The following SLAMF6 variants were observed in gnomAD, a reference collection of about 807,000 sequenced individuals.
The protein encoded by SLAMF6 is SLAM family member 6.
SLAMF6 carries 21 observed loss-of-function variants against 38.3 expected under a neutral mutation model. The observed-to-expected ratio is 0.55, with a 90% confidence interval of 0.39 to 0.79. The LOEUF (loss-of-function observed/expected upper bound fraction) is 0.79. Among genes scored for constraint, SLAMF6 ranks in the 30% least tolerant of loss-of-function variants. SLAMF6 has a pLI of 0.00. For synonymous variants in SLAMF6, 152 were observed against 146.3 expected, an observed-to-expected ratio of 1.04 and a Z score of -0.28; for missense variants, 341 against 385.3, an observed-to-expected ratio of 0.89 and a Z score of 0.96.
intron 1 of SLAMF6, among the ~76,000 whole-genome samples, chr1:160,515,690 G>C (rs1369900797): frequency 5.3e-5 from 8 of 152,164 alleles, no homozygotes; most frequent in African/African-American, 1.7e-4. Flanking sequence ...GGGATGCAAG[G>C]CTGGTTCAAC....
chr1:160,490,849 G>A lies in SLAMF6; in HGVS notation c.647-164C>T, dbSNP rs543300772. 24 of 674,410 alleles carry A rather than the reference G, an allele frequency of 3.6e-5. No individual in the cohort carries two copies. In the East Asian group the frequency reaches 2.7e-3, roughly 76 times the overall value. The allele number at this position is 674,410 out of a possible 1,614,324, so 41.8% of individuals were successfully genotyped here. On this transcript the variant is annotated intron_variant, in intron 3 of 7. Transcript: ENST00000368057. Reference sequence around the variant, plus strand: ...TCCTATGTGGCAGGCAGGGGAGGGTGGGGCCCAGTGGAGTTAGGGAGAGAA... The same window carrying A: ...TCCTATGTGGCAGGCAGGGGAGGGTAGGGCCCAGTGGAGTTAGGGAGAGAA...
intron 1 of SLAMF6, among the ~76,000 whole-genome samples, chr1:160,510,108 CA>C (rs1195458748): frequency 6.6e-6 from 1 of 151,984 alleles, no homozygotes; most frequent in African/African-American, 2.4e-5. Flanking sequence ...AATCAGTACT[CA>C]AAAACCTCCT....
intron 1 of SLAMF6, among the ~76,000 whole-genome samples, chr1:160,517,624 C>A (rs10908782): frequency 6.6e-6 from 1 of 152,038 alleles, no homozygotes; most frequent in Non-Finnish European, 1.5e-5. Context: ...CAATGACAGA[C>A]GAGATAAAGA....
At chr1:160,520,488 C>G (rs1015994296) in intron 1 of SLAMF6, among the ~76,000 whole-genome samples, 1 of 152,178 alleles carries the variant, frequency 6.6e-6, no homozygotes, top group Non-Finnish European at 1.5e-5. Context: ...CCCCAATCAG[C>G]ATTTTAATAA....
chr1:160,494,296 A>G (rs1653451639), intron 2 of SLAMF6, among the ~76,000 whole-genome samples: 1 of 152,164 alleles, frequency 6.6e-6, no homozygotes, highest in Non-Finnish European at 1.5e-5. Context: ...GGTGGCTGTC[A>G]CAAGATAAGT....
At chr1:160,486,974 T>C in intron 7 of SLAMF6, 130 bp downstream of exon 7, 1 of 972,846 alleles carries the variant, frequency 1.0e-6, no homozygotes, top group Admixed American at 2.5e-5. Flanking sequence ...GGTGATGTCC[T>C]GAGACTTTCC....
chr1:160,499,664 A>G (rs896796831), intron 1 of SLAMF6, among the ~76,000 whole-genome samples: 5 of 152,162 alleles, frequency 3.3e-5, no homozygotes, highest in African/African-American at 4.8e-5. Flanking sequence ...TGGCCATTTT[A>G]ACGATGTTGA....
intron 1 of SLAMF6, among the ~76,000 whole-genome samples, chr1:160,520,074 T>A: frequency 6.6e-6 from 1 of 152,038 alleles, no homozygotes; most frequent in East Asian, 1.9e-4. Context: ...AAAACACGTG[T>A]CTGAGGATAA....
intron 1 of SLAMF6, among the ~76,000 whole-genome samples, chr1:160,510,741 A>T (rs528949194): frequency 6.6e-6 from 1 of 152,198 alleles, no homozygotes; most frequent in Non-Finnish European, 1.5e-5. Context: ...AGCCAGAGCA[A>T]TTAGGCAAGA....
intron 1 of SLAMF6, among the ~76,000 whole-genome samples, chr1:160,510,794 A>G (rs1398760552): frequency 6.6e-6 from 1 of 152,176 alleles, no homozygotes; most frequent in East Asian, 1.9e-4. Context: ...AATGTGTAAA[A>G]CTATTCCTAT....
intron 4 of SLAMF6, 35 bp from the exon 5 acceptor site, chr1:160,490,271 C>T: frequency 6.2e-7 from 1 of 1,612,636 alleles, no homozygotes; most frequent in African/African-American, 1.3e-5. Context: ...AAATGTGTGA[C>T]AGCAGTGGGA....
At position 160,489,155 on chromosome 1, in the gene SLAMF6, T is replaced by C. The variant is rs761953327; in HGVS notation, c.812A>G (p.Asn271Ser). ...RTQGPAESAR[N>S]LEYVSVSPTN... ...TGGAGACACTGAAACATACTCTAGG[T>C]TCCTTGCGGACTCTGCTGTTAACAT... Residue 271 changes from asparagine to serine, a missense_variant, in exon 6 of 8, where the codon AAC becomes AGC. Physicochemically the swap from Asn to Ser is conservative, Grantham distance 46. Coordinates refer to ENST00000368057, the MANE Select transcript of SLAMF6 (RefSeq NM_001184714.2). The C allele has an allele frequency of 2.5e-6, 4 of 1,613,752 alleles. No individual in the cohort carries two copies. Among genetic ancestry groups the C allele is most frequent in the Non-Finnish European group, 3.4e-6 (4 of 1,179,820 alleles).
chr1:160,499,901 A>T (rs966210750), intron 1 of SLAMF6, among the ~76,000 whole-genome samples: 5 of 152,226 alleles, frequency 3.3e-5, no homozygotes, highest in African/African-American at 1.2e-4. Context: ...GTTATTTGTC[A>T]TCTTTATTCC....
At position 160,491,115 on chromosome 1, in the gene SLAMF6, A is replaced by G. The variant is rs750508455; in HGVS notation, c.646+10T>C. 4.3e-6 allele frequency: 7 copies of G among 1,612,930 alleles called. No homozygotes were observed. Among genetic ancestry groups the G allele is most frequent in the Non-Finnish European group, 5.1e-6 (6 of 1,179,696 alleles). Reference sequence around the variant, plus strand: ...TGCTCAAGGCTCTCAGACCTGAGGCAGGCTGTTACCTTCGCAAAGCTTCTG... The same window carrying G: ...TGCTCAAGGCTCTCAGACCTGAGGCGGGCTGTTACCTTCGCAAAGCTTCTG... On this transcript the variant is annotated intron_variant, in intron 3 of 7. Coordinates refer to ENST00000368057, the MANE Select transcript of SLAMF6 (RefSeq NM_001184714.2).
At chr1:160,511,565 A>G (rs1484277624) in intron 1 of SLAMF6, among the ~76,000 whole-genome samples, 5 of 152,230 alleles carry the variant, frequency 3.3e-5, no homozygotes, top group Non-Finnish European at 5.9e-5. Context: ...ATATGCAAAA[A>G]TTATCTCAAA....
At chr1:160,520,300 A>G (rs562140864) in intron 1 of SLAMF6, among the ~76,000 whole-genome samples, 1 of 152,144 alleles carries the variant, frequency 6.6e-6, no homozygotes, top group East Asian at 1.9e-4. Context: ...ACCTCAGAAT[A>G]CCTATATCTG....
intron 6 of SLAMF6, among the ~76,000 whole-genome samples, chr1:160,488,118 AAAC>A (rs1446806735): frequency 6.6e-6 from 1 of 151,776 alleles, no homozygotes; most frequent in Non-Finnish European, 1.5e-5. Flanking sequence ...AAAAAACAAA[AAAC>A]AAACCAACAA....
chr1:160,505,780 T>C (rs997610461), intron 1 of SLAMF6, among the ~76,000 whole-genome samples: 3 of 151,790 alleles, frequency 2.0e-5, no homozygotes, highest in African/African-American at 7.3e-5. Context: ...AAAGGATATA[T>C]AAAGAAAAGA....
At chr1:160,490,828 A>T in intron 3 of SLAMF6, 143 bp from the exon 4 acceptor site, 2 of 1,301,534 alleles carry the variant, frequency 1.5e-6, no homozygotes, top group Middle Eastern at 1.9e-4. Flanking sequence ...TGGGAGTCCT[A>T]TGTGGCAGGC....
Sources: allele counts gnomAD v4.1 joint callset (sites outside exome capture counted in the v4.1 genomes callset), GRCh38; gene constraint gnomAD v4.1.1; transcripts MANE v1.5; gene names NCBI Gene and HGNC (gene_info 2026-07-23, HGNC 2026-07-21).